RCN3: variants seen among roughly 807,000 people sequenced by gnomAD.
The protein encoded by RCN3 is reticulocalbin-3.
RCN3 carries 41 observed loss-of-function variants against 35.9 expected under a neutral mutation model. The ratio of observed to expected loss-of-function variants is 1.14; its 90% CI spans 0.89 to 1.48. The LOEUF is 1.48. RCN3 is among the 40% of genes most tolerant of loss of function. The pLI, the probability that RCN3 is intolerant of heterozygous loss-of-function variation, is 0.00. For missense variants in RCN3, 451 were observed against 471.3 expected (o/e 0.96, Z 0.40); for synonymous variants, 187 against 193.4 (o/e 0.97, Z 0.27).
At chr19:49,530,766 G>A (rs2122715608) in intron 2 of RCN3, among the ~76,000 whole-genome samples, 1 of 152,290 alleles carries the variant, frequency 6.6e-6, no homozygotes, top group African/African-American at 2.4e-5. Flanking sequence ...GAAGTGCTGG[G>A]ATTATAGGCA....
intron 2 of RCN3, among the ~76,000 whole-genome samples, chr19:49,530,255 G>A (rs1308808935): frequency 2.6e-5 from 4 of 151,330 alleles, no homozygotes; most frequent in Admixed American, 6.6e-5. Flanking sequence ...TGCCTCCCAG[G>A]TTCAAGCAAT....
intron 2 of RCN3, among the ~76,000 whole-genome samples, chr19:49,530,284 C>T (rs147502602): frequency 3.3e-3 from 502 of 151,334 alleles, no homozygotes; most frequent in Admixed American, 6.0e-3. Context: ...CTCAGCCTTC[C>T]GAGTAGCTGG....
At chr19:49,533,528 A>C (rs1056898179) in intron 2 of RCN3, among the ~76,000 whole-genome samples, 2 of 152,140 alleles carry the variant, frequency 1.3e-5, no homozygotes, top group Non-Finnish European at 2.9e-5. Flanking sequence ...GGAGGGGCAC[A>C]GGAGCCCGGA....
intron 6 of RCN3, 60 bp downstream of exon 6, chr19:49,542,812 A>G (rs1213672280): frequency 3.4e-6 from 5 of 1,463,072 alleles, no homozygotes; most frequent in Non-Finnish European, 4.6e-6. Context: ...GCCAGACTCC[A>G]GAAAGGAGCA....
At chr19:49,534,117 A>G (rs976719352) in intron 2 of RCN3, 76 bp from the exon 3 acceptor site, 1 of 1,321,688 alleles carries the variant, frequency 7.6e-7, no homozygotes. Flanking sequence ...GAAGTGTCCC[A>G]GGGGGCGTGG....
intron 5 of RCN3, among the ~76,000 whole-genome samples, chr19:49,540,630 A>AG (rs1316305630): frequency 6.6e-6 from 1 of 151,626 alleles, no homozygotes; most frequent in East Asian, 1.9e-4. Flanking sequence ...TAAAAAAAAA[A>AG]AAAAAAGATG....
At chr19:49,528,381 G>A in intron 1 of RCN3, 86 bp from the exon 2 acceptor site, 1 of 1,315,686 alleles carries the variant, frequency 7.6e-7, no homozygotes, top group South Asian at 1.9e-5. Flanking sequence ...TCCTGTCCTA[G>A]GTAACCCCTC....
At chr19:49,532,610 G>T (rs1467274372) in intron 2 of RCN3, among the ~76,000 whole-genome samples, 2 of 152,110 alleles carry the variant, frequency 1.3e-5, no homozygotes, top group Non-Finnish European at 2.9e-5. Context: ...CTCACCTCAG[G>T]TGATCTGCCC....
At chr19:49,538,513 T>C (rs946941658) in intron 4 of RCN3, among the ~76,000 whole-genome samples, 2 of 152,014 alleles carry the variant, frequency 1.3e-5, no homozygotes, top group Admixed American at 1.3e-4. Context: ...GGTCTCGCCA[T>C]GTTGCCCAGG....
At chr19:49,542,242 C>T (rs1304558998) in intron 5 of RCN3, among the ~76,000 whole-genome samples, 2 of 152,130 alleles carry the variant, frequency 1.3e-5, no homozygotes, top group Non-Finnish European at 2.9e-5. Context: ...GTTCCTCCTG[C>T]ATAGACATTG....
At chr19:49,539,873 C>T (rs2080155256) in intron 5 of RCN3, among the ~76,000 whole-genome samples, 1 of 151,976 alleles carries the variant, frequency 6.6e-6, no homozygotes, top group African/African-American at 2.4e-5. Context: ...CTGGTGCCTG[C>T]CACCACGCCT....
intron 3 of RCN3, among the ~76,000 whole-genome samples, chr19:49,535,861 A>ATATAT (rs569935429): frequency 4.9e-4 from 70 of 142,738 alleles, no homozygotes; most frequent in African/African-American, 1.7e-3. Flanking sequence ...AAAAAAAAAA[A>ATATAT]ATATATATAT....
At chr19:49,536,320 A>G (rs1189105673) in intron 3 of RCN3, among the ~76,000 whole-genome samples, 5 of 72,076 alleles carry the variant, frequency 6.9e-5, no homozygotes, top group South Asian at 4.5e-4. Context: ...TTTGAGATGG[A>G]ATGGAGTTTC....
chr19:49,535,024 C>A (rs73057945), intron 3 of RCN3, among the ~76,000 whole-genome samples: 7,994 of 152,172 alleles, frequency 0.053, 289 homozygotes, highest in South Asian at 0.078. Flanking sequence ...TGGCCCCAGC[C>A]TCCCCGTCCA....
chr19:49,530,204 G>A (rs1308763286), intron 2 of RCN3, among the ~76,000 whole-genome samples: 1 of 147,224 alleles, frequency 6.8e-6, no homozygotes, highest in African/African-American at 2.5e-5. Context: ...TCTGTCTCCC[G>A]GGCTAGAGTG....
At chr19:49,530,232 C>A (rs976766333) in intron 2 of RCN3, among the ~76,000 whole-genome samples, 1 of 150,984 alleles carries the variant, frequency 6.6e-6, no homozygotes, top group African/African-American at 2.4e-5. Context: ...GTGATCTCAG[C>A]TCATGCAACC....
intron 2 of RCN3, among the ~76,000 whole-genome samples, chr19:49,531,428 T>A (rs1043260129): frequency 6.6e-6 from 1 of 152,204 alleles, no homozygotes; most frequent in African/African-American, 2.4e-5. Context: ...GATCATGCAA[T>A]GCAAAGCCTT....
chr19:49,535,738 T>C (rs1310948590), intron 3 of RCN3, among the ~76,000 whole-genome samples: 2 of 151,250 alleles, frequency 1.3e-5, no homozygotes, highest in East Asian at 4.0e-4. Flanking sequence ...TGATCACAGC[T>C]ACTCTGGAGG....
At chr19:49,541,866 G>A (rs565438111) in intron 5 of RCN3, among the ~76,000 whole-genome samples, 1 of 152,156 alleles carries the variant, frequency 6.6e-6, no homozygotes, top group Admixed American at 6.6e-5. Flanking sequence ...TGTAATCCCA[G>A]CTACTTGGGA....
Sources: allele counts gnomAD v4.1 joint callset (sites outside exome capture counted in the v4.1 genomes callset), GRCh38; gene constraint gnomAD v4.1.1; transcripts MANE v1.5; gene names NCBI Gene and HGNC (gene_info 2026-07-23, HGNC 2026-07-21).